Variants in KLF12 observed in about 807,000 individuals in gnomAD.
KLF12 encodes Krueppel-like factor 12.
A neutral mutation model predicts 37.8 loss-of-function variants in KLF12; 9 were observed. That is an observed-to-expected ratio of 0.24 (90% confidence interval 0.14 to 0.42). KLF12 has a LOEUF of 0.42. Among genes scored for constraint, KLF12 ranks in the 10% least tolerant of loss-of-function variants. The pLI, the probability that KLF12 is intolerant of heterozygous loss-of-function variation, is 1.00. For synonymous variants in KLF12, 208 were observed against 202.1 expected (o/e 1.03, Z -0.25); for missense variants, 411 against 516.0 (o/e 0.80, Z 1.97).
At chr13:73,817,635 C>G (rs7335571) in intron 4 of KLF12, among the ~76,000 whole-genome samples, 11,949 of 152,192 alleles carry the variant, frequency 0.079, 888 homozygotes, top group African/African-American at 0.2. Context: ...GACGTGGAAA[C>G]AGACCGTAAC....
At chr13:73,967,379 C>T (rs1891199459) in intron 2 of KLF12, among the ~76,000 whole-genome samples, 1 of 152,148 alleles carries the variant, frequency 6.6e-6, no homozygotes, top group South Asian at 2.1e-4. Context: ...TATTCAACGC[C>T]AGAAGAATAC....
intron 6 of KLF12, among the ~76,000 whole-genome samples, chr13:73,733,758 A>G (rs1170535739): frequency 6.6e-6 from 1 of 152,122 alleles, no homozygotes; most frequent in Non-Finnish European, 1.5e-5. Flanking sequence ...TGGCTGCTGC[A>G]CCCTTTTACA....
chr13:74,264,317 C>A, the KLF12 span, among the ~76,000 whole-genome samples: 2 of 152,180 alleles, frequency 1.3e-5, no homozygotes, highest in Non-Finnish European at 2.9e-5. Flanking sequence ...GCTTAGGGAA[C>A]TTTACCTGAT....
At chr13:73,796,182 A>G (rs1881950511) in intron 5 of KLF12, among the ~76,000 whole-genome samples, 1 of 152,146 alleles carries the variant, frequency 6.6e-6, no homozygotes, top group Non-Finnish European at 1.5e-5. Flanking sequence ...TACAGAAATG[A>G]CCTTCACTCC....
chr13:73,710,261 T>G (rs988736152), intron 7 of KLF12, among the ~76,000 whole-genome samples: 18 of 152,176 alleles, frequency 1.2e-4, no homozygotes, highest in African/African-American at 4.3e-4. Context: ...TGTTAGCAGT[T>G]TTTGATTTAG....
At chr13:74,091,933 CT>C (rs1210963219) in intron 1 of KLF12, among the ~76,000 whole-genome samples, 2 of 151,724 alleles carry the variant, frequency 1.3e-5, no homozygotes, top group African/African-American at 4.8e-5. Context: ...ACGTGTGACA[CT>C]TTTTTGCCTT....
At chr13:74,083,593 C>T (rs1043795279) in intron 1 of KLF12, among the ~76,000 whole-genome samples, 2 of 151,474 alleles carry the variant, frequency 1.3e-5, no homozygotes, top group Non-Finnish European at 2.9e-5. Context: ...AGGAGAGATA[C>T]ATAAATCCAA....
the KLF12 span, among the ~76,000 whole-genome samples, chr13:74,158,191 G>A: frequency 5.9e-5 from 9 of 152,160 alleles, no homozygotes; most frequent in Non-Finnish European, 8.8e-5. Context: ...ATAGGTCCGC[G>A]TGAGGGCAGC....
the KLF12 span, among the ~76,000 whole-genome samples, chr13:74,268,218 A>G: frequency 2.0e-5 from 3 of 152,188 alleles, no homozygotes; most frequent in African/African-American, 7.2e-5. Context: ...TTTTTCCAGT[A>G]GAATTATTAG....
At chr13:74,294,846 G>C in the KLF12 span, among the ~76,000 whole-genome samples, 1 of 152,042 alleles carries the variant, frequency 6.6e-6, no homozygotes, top group African/African-American at 2.4e-5. Context: ...AATAACCTCC[G>C]ATTTATCTCC....
chr13:73,844,595 G>T (rs974737626), intron 4 of KLF12: 1 of 152,068 alleles, frequency 6.6e-6, no homozygotes, highest in Non-Finnish European at 1.5e-5. Flanking sequence ...GTGTGATAAA[G>T]AAACTCACTG....
chr13:73,728,548 T>C (rs1440879373), intron 6 of KLF12, among the ~76,000 whole-genome samples: 1 of 152,246 alleles, frequency 6.6e-6, no homozygotes. Flanking sequence ...CCATTAAGTA[T>C]GTTAGACATG....
At chr13:73,728,822 G>C (rs1156618823) in intron 6 of KLF12, among the ~76,000 whole-genome samples, 1 of 152,104 alleles carries the variant, frequency 6.6e-6, no homozygotes, top group Non-Finnish European at 1.5e-5. Flanking sequence ...TTTGTTGAAG[G>C]CTTTTGAGTC....
the KLF12 span, among the ~76,000 whole-genome samples, chr13:74,279,264 C>G: frequency 2.0e-5 from 3 of 152,106 alleles, no homozygotes; most frequent in African/African-American, 7.2e-5. Context: ...CTAGACAGCT[C>G]TTTCTAAAAG....
chr13:74,101,586 A>G (rs1477156323), intron 1 of KLF12, among the ~76,000 whole-genome samples: 2 of 152,182 alleles, frequency 1.3e-5, no homozygotes, highest in African/African-American at 4.8e-5. Flanking sequence ...CAGGGCAGAG[A>G]AAATACAAGA....
chr13:73,795,883 T>C (rs1262571417), intron 5 of KLF12, among the ~76,000 whole-genome samples: 4 of 152,182 alleles, frequency 2.6e-5, no homozygotes, highest in African/African-American at 9.7e-5. Flanking sequence ...GGAGAACTTT[T>C]AAAGTTCATA....
At position 73,774,480 on chromosome 13, in the gene KLF12, T is replaced by C. The variant is rs1169701454; in HGVS notation, c.807-9480A>G. On this transcript the variant is annotated intron_variant, in intron 5 of 7. Coordinates refer to ENST00000377669, the MANE Select transcript of KLF12 (RefSeq NM_007249.5). Reference sequence around the variant, plus strand: ...TCCCAAGCCAGAATGTCAGGGCAGATCCATCCGTCACTTCCTCACCACCAC... The same window carrying C: ...TCCCAAGCCAGAATGTCAGGGCAGACCCATCCGTCACTTCCTCACCACCAC... Among the ~76,000 whole-genome samples the C allele has an allele frequency of 5.3e-5, 8 of 152,262 alleles. No individual in the cohort carries two copies. The East Asian group carries it at 1.2e-3, about 22-fold the overall frequency.
chr13:74,069,501 G>A (rs1874103189), intron 1 of KLF12, among the ~76,000 whole-genome samples: 2 of 152,282 alleles, frequency 1.3e-5, no homozygotes, highest in South Asian at 4.1e-4. Context: ...CACAGGTCCA[G>A]GTACTAAACA....
chr13:74,232,565 A>G, the KLF12 span, among the ~76,000 whole-genome samples: 43 of 152,358 alleles, frequency 2.8e-4, no homozygotes, highest in Admixed American at 7.2e-4. Context: ...AGTACTTTTT[A>G]GAAATTTACT....
Sources: gnomAD v4.1 joint callset for allele counts (sites outside exome capture counted in the v4.1 genomes callset) on GRCh38, gnomAD v4.1.1 for gene constraint, MANE v1.5 for transcripts, NCBI Gene and HGNC (gene_info 2026-07-23, HGNC 2026-07-21) for gene names.